WASHC2C: variants seen among roughly 807,000 people sequenced by gnomAD.
WASHC2C encodes the protein WASH complex subunit 2C.
WASHC2C carries 73 observed loss-of-function variants against 142.2 expected under a neutral mutation model. The observed-to-expected ratio is 0.51, with a 90% CI of 0.43 to 0.62. The LOEUF is 0.62. Among genes scored for constraint, WASHC2C ranks in the 20% least tolerant of loss-of-function variants. The pLI, the probability that WASHC2C is intolerant of heterozygous loss-of-function variation, is 0.00. For synonymous variants in WASHC2C, 337 were observed against 565.5 expected (o/e 0.60, Z 5.73); for missense variants, 969 against 1,531.7 (o/e 0.63, Z 6.13).
chr10:45,787,863 A>G (rs2058159421), intron 28 of WASHC2C, among the ~76,000 whole-genome samples: 1 of 152,160 alleles, frequency 6.6e-6, no homozygotes, highest in African/African-American at 2.4e-5. Context: ...CCAAGTTCCC[A>G]CAGCAGCGAC....
intron 23 of WASHC2C, among the ~76,000 whole-genome samples, 196 bp from the exon 24 acceptor site, chr10:45,784,369 T>C (rs1305601635): frequency 2.1e-5 from 3 of 141,232 alleles, no homozygotes; most frequent in African/African-American, 7.8e-5. Context: ...TTTCTGGTAT[T>C]TTTGGAAGCG....
intron 17 of WASHC2C, among the ~76,000 whole-genome samples, 182 bp downstream of exon 17, chr10:45,759,583 G>T (rs1315770461): frequency 6.6e-6 from 1 of 152,068 alleles, no homozygotes; most frequent in Non-Finnish European, 1.5e-5. Context: ...ACTTTGGTAG[G>T]CCAAGGCAGG....
At position 45,765,857 on chromosome 10, in the gene WASHC2C, T is replaced by G. The variant is rs781947398; in HGVS notation, c.1869+47T>G. The G allele has an allele frequency of 1.7e-5, 27 of 1,610,438 alleles. No individual in the cohort carries two copies. The East Asian group carries it at 5.8e-4, about 35-fold the overall frequency. On this transcript the variant is annotated intron_variant, in intron 19 of 30. Coordinates refer to ENST00000623400, the MANE Select transcript of WASHC2C (RefSeq NM_001330074.2). ...AAAAGAGGGGATTATTTCATGGGAT[T>G]TAAGAGTTAAAGCCATCCCAAGTCT...
chr10:45,784,271 T>TGTGC (rs1554888947), intron 23 of WASHC2C, among the ~76,000 whole-genome samples: 1 of 8,724 alleles, frequency 1.1e-4, no homozygotes, highest in Non-Finnish European at 3.5e-4. Flanking sequence ...TATATATATA[T>TGTGC]ATATATATAT....
rs546448178 is a variant in WASHC2C, at chr10:45,735,294, A to G, written c.292-2689A>G. ...GCTCAGACTGGAGTGCAATTGTGCA[A>G]TCTCGGCTCACTGCAACCTCTGCCT... On this transcript the variant is annotated intron_variant, in intron 3 of 30. Coordinates refer to ENST00000623400, the MANE Select transcript of WASHC2C (RefSeq NM_001330074.2). Among the ~76,000 whole-genome samples the G allele has an allele frequency of 1.6e-3, 238 of 150,890 alleles. 2 individuals are homozygous for G. Among genetic ancestry groups the G allele is most frequent in the Non-Finnish European group, 4.3e-4 (29 of 67,814 alleles).
Position 45,790,442 on chromosome 10 carries a change from T to C in WASHC2C, c.3795T>C (p.Asp1265=). 2 of 1,610,996 alleles carry C rather than the reference T, an allele frequency of 1.2e-6. No homozygotes were observed. Among genetic ancestry groups the C allele is most frequent in the Non-Finnish European group, 1.7e-6 (2 of 1,179,338 alleles). The change falls in exon 30 of 31, where the codon GAT becomes GAC. Residue 1265 remains aspartate (D), a synonymous_variant. Coordinates refer to ENST00000623400, the MANE Select transcript of WASHC2C (RefSeq NM_001330074.2). ...EKTLESNLFD[D]NIDIFADLTV... ...CATTGGAATCTAATTTATTTGATGA[T>C]AACATTGATATCTTTGCTGACTTAA... is the stretch of plus-strand genomic sequence containing the variant.
intron 7 of WASHC2C, 23 bp from the exon 8 acceptor site, chr10:45,746,576 CA>C: frequency 6.2e-7 from 1 of 1,612,832 alleles, no homozygotes; most frequent in South Asian, 1.1e-5. Context: ...CATTTAACAA[CA>C]AAGCCTTTTC....
At chr10:45,742,968 G>T (rs1217420520) in intron 5 of WASHC2C, among the ~76,000 whole-genome samples, 1 of 149,942 alleles carries the variant, frequency 6.7e-6, no homozygotes, top group Non-Finnish European at 1.5e-5. Flanking sequence ...ACTGTTTCCT[G>T]GGTTCAAGTG....
Position 45,728,934 on chromosome 10 carries a change from G to C in WASHC2C, c.199G>C (p.Gly67Arg), listed in dbSNP as rs782707012. Residue 67 changes from glycine to arginine, a missense_variant, in exon 3 of 31, where the codon GGA becomes CGA. By Grantham distance (125) the Gly-to-Arg change is moderately radical. Transcript: ENST00000623400. ...CCATGAAATCAAGAAACAAGTGGACGGACTAATCCGGGAAACCAAAGCCAC... is the reference window on the plus strand; with the variant it reads ...CCATGAAATCAAGAAACAAGTGGACCGACTAATCCGGGAAACCAAAGCCAC... The part of the protein sequence containing the change: ...RTHEIKKQVD[G>R]LIRETKATDC... 8 of 1,613,792 alleles carry C rather than the reference G, an allele frequency of 5.0e-6. No homozygotes were observed. The African/African-American group carries it at 1.1e-4, about 22-fold the overall frequency.
chr10:45,754,461 G>A lies in WASHC2C; in HGVS notation c.1181-25G>A, dbSNP rs528974568. 1.9e-6 allele frequency: 3 copies of A among 1,590,058 alleles called. No individual in the cohort carries two copies. The South Asian group carries it at 3.4e-5, about 18-fold the overall frequency. On this transcript the variant is annotated intron_variant, in intron 13 of 30. Transcript: ENST00000623400. ...GGAAAGTTATTTCCCTTGTAAAATG[G>A]TTACCCCTTGCTTTCTCATTCTAGA...
chr10:45,740,524 A>G (rs1554867277), intron 5 of WASHC2C, among the ~76,000 whole-genome samples: 1 of 152,272 alleles, frequency 6.6e-6, no homozygotes, highest in Non-Finnish European at 1.5e-5. Flanking sequence ...GGAGACATAC[A>G]TACGAATAAC....
At chr10:45,741,204 TCCCAAAGTGCTGGGATTA>T (rs1554867756) in intron 5 of WASHC2C, among the ~76,000 whole-genome samples, 2 of 152,190 alleles carry the variant, frequency 1.3e-5, no homozygotes, top group Non-Finnish European at 2.9e-5. Context: ...TGCCTTGGCC[TCCCAAAGTGCTGGGATTA>T]CAGACATGAG....
At chr10:45,768,956 G>T (rs1554883505) in intron 19 of WASHC2C, among the ~76,000 whole-genome samples, 1 of 152,048 alleles carries the variant, frequency 6.6e-6, no homozygotes, top group Non-Finnish European at 1.5e-5. Flanking sequence ...TGTGAGGTCA[G>T]AGAGCCCAGC....
At chr10:45,779,324 G>C (rs1295134275) in intron 23 of WASHC2C, among the ~76,000 whole-genome samples, 189 bp downstream of exon 23, 3 of 146,172 alleles carry the variant, frequency 2.1e-5, no homozygotes, top group African/African-American at 7.3e-5. Flanking sequence ...AGCAGTGTTA[G>C]GATAGGGGAT....
rs374320689 is a variant in WASHC2C, at chr10:45,750,187, T to C, written c.824T>C (p.Ile275Thr). 22 of 1,611,160 alleles carry C rather than the reference T, an allele frequency of 1.4e-5. No individual in the cohort carries two copies. The highest frequency in any genetic ancestry group is 1.2e-4 in the African/African-American group (9 of 74,642). Residue 275 changes from isoleucine to threonine, a missense_variant, in exon 9 of 31, where the codon ATT becomes ACT. Coordinates refer to ENST00000623400, the MANE Select transcript of WASHC2C (RefSeq NM_001330074.2). ...AAGGAGGAGGAAGATATTGAGGACATTGAAGAAAATACTAGACCTGTAAGG... is the reference window on the plus strand; with the variant it reads ...AAGGAGGAGGAAGATATTGAGGACACTGAAGAAAATACTAGACCTGTAAGG... ...SEKEEEDIED[I>T]EENTRPKRSR...
At chr10:45,741,563 G>A (rs1163427597) in intron 5 of WASHC2C, among the ~76,000 whole-genome samples, 1 of 151,202 alleles carries the variant, frequency 6.6e-6, no homozygotes, top group African/African-American at 2.5e-5. Flanking sequence ...CCAAATTAAC[G>A]CTGTCTTTGC....
At chr10:45,738,116 T>G (rs192053459) in intron 4 of WASHC2C, 71 bp downstream of exon 4, 1 of 1,611,136 alleles carries the variant, frequency 6.2e-7, no homozygotes, top group Admixed American at 1.7e-5. Context: ...ATGTGTTATG[T>G]GGGAACTGGG....
intron 23 of WASHC2C, among the ~76,000 whole-genome samples, chr10:45,780,858 A>AT (rs1260586067): frequency 6.6e-6 from 1 of 150,932 alleles, no homozygotes; most frequent in Non-Finnish European, 1.5e-5. Context: ...GGTTCAAGCG[A>AT]TTCTCCTGCC....
chr10:45,757,910 T>G (rs1369834044), intron 16 of WASHC2C, among the ~76,000 whole-genome samples: 179 of 152,208 alleles, frequency 1.2e-3, no homozygotes, highest in African/African-American at 4.3e-3. Flanking sequence ...TGGACTGGTC[T>G]GCAGCCCAGG....
Sources: gnomAD v4.1 joint callset for allele counts (sites outside exome capture counted in the v4.1 genomes callset) on GRCh38, gnomAD v4.1.1 for gene constraint, MANE v1.5 for transcripts, NCBI Gene and HGNC (gene_info 2026-07-23, HGNC 2026-07-21) for gene names.